Variants in TMEM242 observed in about 807,000 individuals in gnomAD.
TMEM242 encodes UPF0463 transmembrane protein C6orf35.
A neutral mutation model predicts 18.2 loss-of-function variants in TMEM242; 10 were observed. The observed-to-expected ratio is 0.55, with a 90% CI of 0.34 to 0.93. The LOEUF is 0.93. Ranked by LOEUF, TMEM242 falls within the 40% of genes least tolerant of loss-of-function variation. The pLI, the probability that TMEM242 is intolerant of heterozygous loss-of-function variation, is 0.02. For synonymous variants in TMEM242, 57 were observed against 69.9 expected (o/e 0.81, Z 0.92); for missense variants, 186 against 175.5 (o/e 1.06, Z -0.34).
intron 3 of TMEM242, 131 bp downstream of exon 3, chr6:157,318,651 C>G: frequency 1.0e-6 from 1 of 994,516 alleles, no homozygotes; most frequent in African/African-American, 1.6e-5. Flanking sequence ...AGAATTTAGT[C>G]ACGTACTCTG....
intron 3 of TMEM242, among the ~76,000 whole-genome samples, chr6:157,316,728 G>A (rs1256484630): frequency 6.6e-6 from 1 of 151,992 alleles, no homozygotes; most frequent in Non-Finnish European, 1.5e-5. Flanking sequence ...TAAAAAAAAT[G>A]AGCCAGGCAT....
rs1554247817 is a variant in TMEM242, at chr6:157,305,067, A to AAT, written c.328-12070_328-12069dup. 6.6e-6 allele frequency among the ~76,000 whole-genome samples: 1 copy of AAT among 152,190 alleles called. No homozygotes were observed. Among genetic ancestry groups the AAT allele is most frequent in the African/African-American group, 2.4e-5 (1 of 41,458 alleles). ...AACAGGAAGCCACTGAAGGGTTTTAAATAAGGAAGTAGCATGATCTGACTC... is the reference window on the plus strand; with the variant it reads ...AACAGGAAGCCACTGAAGGGTTTTAAATATAAGGAAGTAGCATGATCTGACTC... On this transcript the variant is annotated intron_variant, in intron 3 of 3. Transcript: ENST00000400788. The surrounding 1 kb of genome is among the most constrained non-coding windows in gnomAD (Gnocchi z 4.1).
rs374767418 is a variant in TMEM242 at position 157,305,752 on chromosome 6, G to C, written c.328-12753C>G. 1.1e-4 allele frequency among the ~76,000 whole-genome samples: 11 copies of C among 102,994 alleles called. No homozygotes were observed. The South Asian group carries it at 2.3e-3, about 21-fold the overall frequency. 67.6% of individuals were successfully genotyped at this position (102,994 alleles called of 152,430 possible). Reference sequence around the variant, plus strand: ...GAAGCCACAGTGTTTCAGGATGGAGGGGGGGCTCCATTGTGCCCAAATGTT... The same window carrying C: ...GAAGCCACAGTGTTTCAGGATGGAGCGGGGGCTCCATTGTGCCCAAATGTT... On this transcript the variant is annotated intron_variant, in intron 3 of 3. Coordinates refer to ENST00000400788, the MANE Select transcript of TMEM242 (RefSeq NM_018452.6). This position sits in a 1 kb window ranked among gnomAD's most constrained non-coding sequence, Gnocchi z 4.1.
intron 2 of TMEM242, 46 bp from the exon 3 acceptor site, chr6:157,318,965 AG>A: frequency 1.3e-6 from 2 of 1,539,362 alleles, no homozygotes; most frequent in South Asian, 1.3e-5. Context: ...CAGTGCAGAA[AG>A]AATAAGCATT....
intron 3 of TMEM242, among the ~76,000 whole-genome samples, chr6:157,314,232 A>G (rs202082470): frequency 0.1 from 1,209 of 11,666 alleles, no homozygotes; most frequent in East Asian, 0.16. Flanking sequence ...CCCAGTGTGC[A>G]CTCACCTGGC....
At chr6:157,295,102 C>A (rs587621744) in intron 3 of TMEM242, among the ~76,000 whole-genome samples, 1 of 152,284 alleles carries the variant, frequency 6.6e-6, no homozygotes, top group Non-Finnish European at 1.5e-5. Flanking sequence ...TATGGAATGT[C>A]TGTTAAGTAC....
intron 3 of TMEM242, chr6:157,300,153 G>A: frequency 1.8e-6 from 1 of 566,718 alleles, no homozygotes; most frequent in Non-Finnish European, 3.2e-6. Context: ...AATGGAGGGA[G>A]AGAATGGAAG....
In TMEM242 at chr6:157,318,905, C is replaced by T. The variant is rs193154359; in HGVS notation, c.204G>A (p.Thr68=). The T allele has an allele frequency of 1.4e-5, 22 of 1,604,820 alleles. No individual in the cohort carries two copies. The highest frequency in any genetic ancestry group is 1.2e-4 in the African/African-American group (9 of 74,488). ...AAGACCCGCTTTCCGGTAATGCAGC[C>T]GTGGCCATACTTCCCTGAAATGAAA... is the stretch of plus-strand genomic sequence containing the variant. The part of the protein sequence containing the change: ...PEWFNKGSMA[T]AALPESGSSL... The change falls in exon 3 of 4, where the codon ACG becomes ACA. Residue 68 remains threonine (T), a synonymous_variant. Coordinates refer to ENST00000400788, the MANE Select transcript of TMEM242 (RefSeq NM_018452.6).
rs1778514871 is a variant in TMEM242 at position 157,322,686 on chromosome 6, G to T, written c.189+19C>A. ...TGTAAACAATAACAATGCTATGAAT[G>T]GATTTCAGTGTCACCAACCTTATTG... On this transcript the variant is annotated intron_variant, in intron 2 of 3. Coordinates refer to ENST00000400788, the MANE Select transcript of TMEM242 (RefSeq NM_018452.6). The T allele has an allele frequency of 6.3e-7, 1 of 1,593,780 alleles. No individual in the cohort carries two copies. The highest frequency in any genetic ancestry group is 1.1e-5 in the South Asian group (1 of 88,512).
chr6:157,313,112 G>GCGC (rs1778244680), intron 3 of TMEM242, among the ~76,000 whole-genome samples: 1 of 91,166 alleles, frequency 1.1e-5, no homozygotes, highest in Non-Finnish European at 2.2e-5. Flanking sequence ...GTCCCAGTGT[G>GCGC]TGCTCACCCG....
intron 2 of TMEM242, among the ~76,000 whole-genome samples, chr6:157,320,190 T>A (rs1778469972): frequency 6.6e-6 from 1 of 152,120 alleles, no homozygotes; most frequent in African/African-American, 2.4e-5. Context: ...AATTCCAGTG[T>A]TTTCCCAGAG....
chr6:157,296,285 C>T (rs1030553725), intron 3 of TMEM242, among the ~76,000 whole-genome samples: 3 of 152,182 alleles, frequency 2.0e-5, no homozygotes, highest in Admixed American at 2.0e-4. Flanking sequence ...GTAGTTCTCT[C>T]TTCTTTCCTC....
rs1554246922 is a variant in TMEM242 at position 157,292,951 on chromosome 6, T to C, written c.376A>G (p.Lys126Glu). ...KMQSIFPTIP[K>E]NSESAVEWEE... Reference sequence around the variant, plus strand: ...CACTCAACAGCCGATTCGGAGTTCTTGGGAATTGTTGGAAATATTGATTGC... The same window carrying C: ...CACTCAACAGCCGATTCGGAGTTCTCGGGAATTGTTGGAAATATTGATTGC... Residue 126 changes from lysine to glutamate, a missense_variant, in exon 4 of 4, where the codon AAG becomes GAG. Transcript: ENST00000400788. 4 of 1,613,836 alleles carry C rather than the reference T, an allele frequency of 2.5e-6. No individual in the cohort carries two copies. Among genetic ancestry groups the C allele is most frequent in the Non-Finnish European group, 2.5e-6 (3 of 1,179,758 alleles).
chr6:157,319,857 G>C (rs1778464621), intron 2 of TMEM242, among the ~76,000 whole-genome samples: 1 of 152,100 alleles, frequency 6.6e-6, no homozygotes, highest in East Asian at 1.9e-4. Flanking sequence ...TACCATGTTG[G>C]GCAAGTTGCT....
chr6:157,323,298 G>T, intron 1 of TMEM242, 114 bp downstream of exon 1: 3 of 1,202,646 alleles, frequency 2.5e-6, no homozygotes, highest in Non-Finnish European at 2.4e-6. Flanking sequence ...TCAGGGGCAA[G>T]CACAAGCTAA....
Position 157,318,887 on chromosome 6 carries a change from G to A in TMEM242, c.222C>T (p.Ser74=), listed in dbSNP as rs200465518. 108 of 1,608,658 alleles carry A rather than the reference G, an allele frequency of 6.7e-5. 1 individual carries two copies. The African/African-American group carries it at 8.7e-4, about 13-fold the overall frequency. ...GSMATAALPE[S]GSSLALRALG... ...GAGCTCGCAAGGCAAGGGAAGACCC[G>A]CTTTCCGGTAATGCAGCCGTGGCCA... The change falls in exon 3 of 4, where the codon AGC becomes AGT. Residue 74 remains serine, a synonymous_variant. Coordinates refer to ENST00000400788, the MANE Select transcript of TMEM242 (RefSeq NM_018452.6).
chr6:157,323,324 G>A (rs1405735619), intron 1 of TMEM242, 88 bp downstream of exon 1: 4 of 1,381,030 alleles, frequency 2.9e-6, no homozygotes, highest in African/African-American at 2.9e-5. Context: ...CTCAGAGCGG[G>A]ATGTGTGTGG....
At chr6:157,293,972 C>T (rs1238822857) in intron 3 of TMEM242, among the ~76,000 whole-genome samples, 8 of 152,140 alleles carry the variant, frequency 5.3e-5, no homozygotes, top group Non-Finnish European at 1.0e-4. Context: ...CCTCCCACCT[C>T]GGTCTCCCAA....
At chr6:157,318,715 G>A in intron 3 of TMEM242, 67 bp downstream of exon 3, 3 of 1,591,916 alleles carry the variant, frequency 1.9e-6, no homozygotes, top group Non-Finnish European at 2.6e-6. Context: ...TTGAAAACCA[G>A]AAAAATTTAG....
Sources: gnomAD v4.1 joint callset for allele counts (sites outside exome capture counted in the v4.1 genomes callset) on GRCh38, gnomAD v4.1.1 for gene constraint, Gnocchi (gnomAD v3.1) non-coding constraint, MANE v1.5 for transcripts, NCBI Gene and HGNC (gene_info 2026-07-23, HGNC 2026-07-21) for gene names.